The following CTNNA2 variants were observed in gnomAD, a reference collection of about 807,000 sequenced individuals.
CTNNA2 encodes the protein catenin alpha 2, also known as catenin alpha-2.
In CTNNA2, 42 loss-of-function variants were observed where a neutral mutation model predicts 101.0. That is an observed-to-expected ratio of 0.42 (90% confidence interval 0.32 to 0.54). The LOEUF (loss-of-function observed/expected upper bound fraction) is 0.54, where lower values mean the gene tolerates loss of function less well. Among genes scored for constraint, CTNNA2 ranks in the 20% least tolerant of loss-of-function variants. The pLI, the probability that CTNNA2 is intolerant of heterozygous loss-of-function variation, is 0.14. For missense variants in CTNNA2, 871 were observed against 1,223.1 expected, an observed-to-expected ratio of 0.71 and a Z score of 4.29; for synonymous variants, 450 against 456.4, an observed-to-expected ratio of 0.99 and a Z score of 0.18.
Position 79,847,542 on chromosome 2 carries a change from CAAAAAAAAAAAAAAAAAAA to C in CTNNA2, c.299-10459_299-10441del, listed in dbSNP as rs70940050. 2.5e-4 allele frequency among the ~76,000 whole-genome samples: 10 copies of C among 40,160 alleles called. No individual in the cohort carries two copies. In the Admixed American group the frequency reaches 4.7e-3, roughly 19 times the overall value. The allele number at this position is 40,160 out of a possible 152,430, so 26.3% of individuals were successfully genotyped here. ...TGGGTGACAGAGTGAGACTCTGTCT[CAAAAAAAAAAAAAAAAAAA>C]AAAAAAAAAAAGCTAGAACAAATTG... On this transcript the variant is annotated intron_variant, in intron 3 of 18. Transcript: ENST00000402739.
intron 1 of CTNNA2, among the ~76,000 whole-genome samples, chr2:79,619,096 G>T (rs1678831063): frequency 6.6e-6 from 1 of 152,150 alleles, no homozygotes; most frequent in South Asian, 2.1e-4. Flanking sequence ...ATCCCAGCTA[G>T]TTGGGAGGCT....
Position 79,521,163 on chromosome 2 carries a change from T to TATATAA in CTNNA2, c.-6+7959_-6+7964dup, listed in dbSNP as rs1558695270. Among the ~76,000 whole-genome samples the TATATAA allele has an allele frequency of 1.7e-4, 16 of 96,474 alleles. 1 individual carries two copies. The highest frequency in any genetic ancestry group is 6.9e-4 in the African/African-American group (15 of 21,598). The allele number at this position is 96,474 out of a possible 152,430, so 63.3% of individuals were successfully genotyped here. On this transcript the variant is annotated intron_variant, in intron 1 of 18. Coordinates refer to ENST00000402739, the MANE Select transcript of CTNNA2 (RefSeq NM_001282597.3). ...ATATATATATATATATATATATATATATATAAATTTTAAGGTGCGCTATTT... is the reference window on the plus strand; with the variant it reads ...ATATATATATATATATATATATATATATATAAATATAAATTTTAAGGTGCGCTATTT...
intron 1 of CTNNA2, among the ~76,000 whole-genome samples, chr2:79,189,397 G>A (rs1439510397): frequency 6.6e-6 from 1 of 151,688 alleles, no homozygotes; most frequent in Non-Finnish European, 1.5e-5. Flanking sequence ...ATTGATGTCT[G>A]GTCTTACCAT....
intron 3 of CTNNA2, among the ~76,000 whole-genome samples, chr2:79,336,122 A>G (rs1292975125): frequency 1.3e-5 from 2 of 152,220 alleles, no homozygotes; most frequent in African/African-American, 4.8e-5. Flanking sequence ...TATGTTTAGA[A>G]TGGAATTAGG....
intron 7 of CTNNA2, among the ~76,000 whole-genome samples, chr2:80,203,367 A>G (rs1196266668): frequency 6.6e-6 from 1 of 152,230 alleles, no homozygotes; most frequent in Non-Finnish European, 1.5e-5. Context: ...AATCAAAAGC[A>G]AGTTAGTTAC....
intron 6 of CTNNA2, among the ~76,000 whole-genome samples, chr2:79,906,469 A>G (rs192992674): frequency 6.6e-6 from 1 of 152,182 alleles, no homozygotes; most frequent in East Asian, 1.9e-4. Context: ...AATGCTCCCC[A>G]TCTGTACTGC....
chr2:79,630,755 G>A (rs949390930), intron 1 of CTNNA2, among the ~76,000 whole-genome samples: 2 of 152,114 alleles, frequency 1.3e-5, no homozygotes, highest in South Asian at 2.1e-4. Context: ...CCTTGATTGC[G>A]ATGGTGACGT....
chr2:79,678,271 G>A (rs1683322294), intron 2 of CTNNA2, among the ~76,000 whole-genome samples: 1 of 151,956 alleles, frequency 6.6e-6, no homozygotes, highest in Admixed American at 6.6e-5. Context: ...GCTGGGCGCG[G>A]TAGCTCACTC....
At chr2:80,079,828 T>TAAAATAAAATA (rs371009954) in intron 7 of CTNNA2, among the ~76,000 whole-genome samples, 67 of 120,098 alleles carry the variant, frequency 5.6e-4, no homozygotes, top group South Asian at 1.3e-3. Context: ...TAAAATAAAA[T>TAAAATAAAATA]AAATAAAATA....
intron 7 of CTNNA2, among the ~76,000 whole-genome samples, chr2:80,258,593 C>T (rs1483173475): frequency 6.6e-6 from 1 of 152,130 alleles, no homozygotes; most frequent in Non-Finnish European, 1.5e-5. Context: ...GATAAACAGA[C>T]CATCTCCCTG....
chr2:79,962,842 C>T lies in CTNNA2; in HGVS notation c.1056+53045C>T, dbSNP rs1340375978. On this transcript the variant is annotated intron_variant, in intron 7 of 18. Transcript: ENST00000402739. ...ATCCCAGCACTTTGGGAGGCCGAGG[C>T]GGGCGGATCACGAGGTCAGGAGATC... is the stretch of plus-strand genomic sequence containing the variant. 7.9e-5 allele frequency among the ~76,000 whole-genome samples: 12 copies of T among 152,012 alleles called. No individual in the cohort carries two copies. In the East Asian group the frequency reaches 9.7e-4, roughly 12 times the overall value.
chr2:79,661,676 G>A (rs994150348), intron 2 of CTNNA2, among the ~76,000 whole-genome samples: 1 of 152,104 alleles, frequency 6.6e-6, no homozygotes, highest in Admixed American at 6.5e-5. Flanking sequence ...TACTGCTGTG[G>A]TCTTAGGAGG....
intron 7 of CTNNA2, among the ~76,000 whole-genome samples, chr2:79,910,351 A>G (rs1283632500): frequency 2.0e-5 from 3 of 152,234 alleles, no homozygotes; most frequent in African/African-American, 4.8e-5. Context: ...TAAGTTTTCA[A>G]ATAGGTATGT....
chr2:79,251,208 A>T (rs182405710), intron 2 of CTNNA2, among the ~76,000 whole-genome samples: 170 of 152,260 alleles, frequency 1.1e-3, no homozygotes, highest in African/African-American at 3.8e-3. Flanking sequence ...ACCTCATTGC[A>T]TTGTACCTGC....
intron 2 of CTNNA2, among the ~76,000 whole-genome samples, chr2:79,280,196 C>T (rs914651786): frequency 6.6e-6 from 1 of 152,056 alleles, no homozygotes; most frequent in Non-Finnish European, 1.5e-5. Context: ...ACATCTTTTT[C>T]CTCTTATATA....
At chr2:80,467,900 T>C (rs1020470097) in intron 9 of CTNNA2, among the ~76,000 whole-genome samples, 2 of 152,206 alleles carry the variant, frequency 1.3e-5, no homozygotes, top group African/African-American at 4.8e-5. Flanking sequence ...TCCCAGCCTC[T>C]AGAATTGCAA....
chr2:79,695,800 A>C (rs1684617241), intron 2 of CTNNA2, among the ~76,000 whole-genome samples: 1 of 152,002 alleles, frequency 6.6e-6, no homozygotes, highest in Non-Finnish European at 1.5e-5. Flanking sequence ...CTGACCTGCT[A>C]TCTTGTCTTG....
chr2:79,835,535 C>T (rs1679258239), intron 3 of CTNNA2, among the ~76,000 whole-genome samples: 1 of 152,074 alleles, frequency 6.6e-6, no homozygotes, highest in Non-Finnish European at 1.5e-5. Flanking sequence ...GGCAATACCT[C>T]CCTGAATATC....
intron 7 of CTNNA2, among the ~76,000 whole-genome samples, chr2:80,029,790 A>G (rs1695172714): frequency 6.6e-6 from 1 of 152,054 alleles, no homozygotes; most frequent in African/African-American, 2.4e-5. Flanking sequence ...TGCTGTGTTT[A>G]TAGAATAGTA....
Sources: gnomAD v4.1 joint callset for allele counts (sites outside exome capture counted in the v4.1 genomes callset) on GRCh38, gnomAD v4.1.1 for gene constraint, MANE v1.5 for transcripts, NCBI Gene and HGNC (gene_info 2026-07-23, HGNC 2026-07-21) for gene names.